The following POLN variants were observed in gnomAD, a reference collection of about 807,000 sequenced individuals.
POLN encodes DNA polymerase nu.
Under a neutral mutation model 113.5 loss-of-function variants are expected in POLN, and 108 were observed. That is an observed-to-expected ratio of 0.95 (90% CI 0.81 to 1.12). The LOEUF (loss-of-function observed/expected upper bound fraction) is 1.12, where lower values mean the gene tolerates loss of function less well. Among genes scored for constraint, POLN ranks in the 50% most tolerant of loss-of-function variants. The pLI, the probability that POLN is intolerant of heterozygous loss-of-function variation, is 0.00. For synonymous variants in POLN, 386 were observed against 391.5 expected, an observed-to-expected ratio of 0.99 and a Z score of 0.17; for missense variants, 1,097 against 1,077.1, an observed-to-expected ratio of 1.02 and a Z score of -0.26.
At chr4:2,214,768 T>A (rs529862264) in intron 3 of POLN, among the ~76,000 whole-genome samples, 39 of 152,212 alleles carry the variant, frequency 2.6e-4, no homozygotes, top group African/African-American at 8.9e-4. Context: ...GAGCTCAAGA[T>A]GGGCCTCTGG....
intron 6 of POLN, among the ~76,000 whole-genome samples, chr4:2,195,795 A>G (rs1265907526): frequency 1.3e-5 from 2 of 152,214 alleles, no homozygotes; most frequent in Non-Finnish European, 2.9e-5. Context: ...GGATAAGGTA[A>G]ACAAAAGCCT....
intron 15 of POLN, among the ~76,000 whole-genome samples, chr4:2,157,248 C>T (rs1188943287): frequency 6.6e-6 from 1 of 152,076 alleles, no homozygotes; most frequent in Admixed American, 6.6e-5. Flanking sequence ...ACTGCAGTCT[C>T]CTCAAGTCTG....
At chr4:2,078,675 GA>G (rs1189373160) in intron 23 of POLN, 2 of 985,292 alleles carry the variant, frequency 2.0e-6, no homozygotes, top group Non-Finnish European at 2.4e-6. Flanking sequence ...ATTACTCCTG[GA>G]AGAACAAATC....
At chr4:2,240,602 T>A in intron 2 of POLN, 1 of 1,613,164 alleles carries the variant, frequency 6.2e-7, no homozygotes, top group Non-Finnish European at 8.5e-7. Context: ...GCTGAATTTT[T>A]AGGTTCTTTA....
At chr4:2,160,988 A>C (rs1316338963) in intron 13 of POLN, among the ~76,000 whole-genome samples, 1 of 152,190 alleles carries the variant, frequency 6.6e-6, no homozygotes, top group African/African-American at 2.4e-5. Context: ...AGCCCTCCTT[A>C]CTTAATGCTT....
intron 19 of POLN, among the ~76,000 whole-genome samples, chr4:2,122,222 T>C (rs1731459969): frequency 1.3e-5 from 2 of 152,186 alleles, no homozygotes; most frequent in South Asian, 4.1e-4. Flanking sequence ...CAAAATAGTC[T>C]TCCTGCCTGA....
intron 19 of POLN, among the ~76,000 whole-genome samples, chr4:2,108,923 T>C (rs1191015327): frequency 6.6e-6 from 1 of 151,484 alleles, no homozygotes; most frequent in Non-Finnish European, 1.5e-5. Context: ...AGGAAACAGT[T>C]AACCACGCTT....
At chr4:2,090,398 T>G in intron 20 of POLN, 1 of 635,986 alleles carries the variant, frequency 1.6e-6, no homozygotes, top group Non-Finnish European at 2.8e-6. Context: ...TTAAATCCAC[T>G]GAGCTGATGG....
Position 2,161,756 on chromosome 4 carries a change from C to A in POLN, c.1555-2545G>T, listed in dbSNP as rs555346693. On this transcript the variant is annotated intron_variant, in intron 13 of 25. Transcript: ENST00000511885. Reference sequence around the variant, plus strand: ...CTGAGTCTGGTGGGGACGTGGAGCACCTTTATGTCTAGCTCAGGGGTTGTA... The same window carrying A: ...CTGAGTCTGGTGGGGACGTGGAGCAACTTTATGTCTAGCTCAGGGGTTGTA... Among the ~76,000 whole-genome samples, 3 of 152,344 alleles carry A rather than the reference C, an allele frequency of 2.0e-5. No individual in the cohort carries two copies. In the East Asian group the frequency reaches 5.8e-4, roughly 29 times the overall value.
At chr4:2,117,292 G>A (rs1731340986) in intron 19 of POLN, among the ~76,000 whole-genome samples, 1 of 152,214 alleles carries the variant, frequency 6.6e-6, no homozygotes, top group African/African-American at 2.4e-5. Context: ...TCAGTGGGAT[G>A]AGGAAGTATA....
chr4:2,081,472 G>T, intron 22 of POLN, 161 bp downstream of exon 22: 1 of 699,506 alleles, frequency 1.4e-6, no homozygotes, highest in Non-Finnish European at 2.5e-6. Flanking sequence ...CCTCCTGACA[G>T]TAACTGCCAG....
At position 2,072,030 on chromosome 4, in the gene POLN, G is replaced by C. The variant is rs762587627; in HGVS notation, c.*84C>G. The stretch of plus-strand genomic sequence containing the variant: ...CAGCCCCAAAGGGTTAATGCGTCCT[G>C]GGGCGTACAGAGCTGGTGACCTTGG... On this transcript the variant is annotated 3_prime_UTR_variant, in exon 26 of 26. Transcript: ENST00000511885. 6.8e-7 allele frequency: 1 copy of C among 1,477,416 alleles called. No homozygotes were observed. The highest frequency in any genetic ancestry group is 1.1e-5 in the South Asian group (1 of 87,994). 91.5% of individuals were successfully genotyped at this position (1,477,416 alleles called of 1,614,324 possible). A position where few individuals can be genotyped will look rare whatever the true frequency, so the allele number is the denominator to read the frequency against.
At chr4:2,108,544 G>C (rs183815864) in intron 19 of POLN, among the ~76,000 whole-genome samples, 1 of 152,328 alleles carries the variant, frequency 6.6e-6, no homozygotes, top group East Asian at 1.9e-4. Context: ...CAGAACAAAA[G>C]TGTAAATTCG....
intron 24 of POLN, among the ~76,000 whole-genome samples, chr4:2,073,560 G>A (rs536325411): frequency 6.6e-6 from 1 of 152,354 alleles, no homozygotes; most frequent in South Asian, 2.1e-4. Context: ...TGACCCCGTT[G>A]TTGGGGCGTG....
At chr4:2,175,452 C>T (rs905371662) in intron 9 of POLN, among the ~76,000 whole-genome samples, 1 of 152,202 alleles carries the variant, frequency 6.6e-6, no homozygotes, top group Non-Finnish European at 1.5e-5. Context: ...AATAGGCTTA[C>T]TGAATTCCCA....
chr4:2,096,327 C>A (rs1179561024), intron 19 of POLN, among the ~76,000 whole-genome samples: 1 of 152,180 alleles, frequency 6.6e-6, no homozygotes, highest in Admixed American at 6.5e-5. Flanking sequence ...CTATCTAGTC[C>A]CACTGCTTGA....
At chr4:2,095,542 C>T (rs1730768414) in intron 20 of POLN, among the ~76,000 whole-genome samples, 1 of 152,164 alleles carries the variant, frequency 6.6e-6, no homozygotes, top group African/African-American at 2.4e-5. Context: ...GGACGAGGGT[C>T]TCCTCGAAGG....
intron 2 of POLN, chr4:2,240,529 T>C (rs757873942): frequency 6.2e-6 from 10 of 1,613,708 alleles, no homozygotes; most frequent in African/African-American, 5.3e-5. Flanking sequence ...TCTTCTTCTT[T>C]AGCATTTAAC....
intron 19 of POLN, among the ~76,000 whole-genome samples, chr4:2,109,138 G>T (rs537662307): frequency 1.3e-5 from 2 of 152,286 alleles, no homozygotes; most frequent in African/African-American, 4.8e-5. Context: ...TTTAGTAGAA[G>T]AATCTGAAAG....
Sources: gnomAD v4.1 joint callset for allele counts (sites outside exome capture counted in the v4.1 genomes callset) on GRCh38, gnomAD v4.1.1 for gene constraint, MANE v1.5 for transcripts, NCBI Gene and HGNC (gene_info 2026-07-23, HGNC 2026-07-21) for gene names.